The following ERBB4 variants were observed in gnomAD, a reference collection of about 807,000 sequenced individuals.
ERBB4 encodes receptor tyrosine-protein kinase erbB-4.
In ERBB4, 42 loss-of-function variants were observed where a neutral mutation model predicts 158.0. That is an observed-to-expected ratio of 0.27 (90% CI 0.21 to 0.34). The LOEUF (loss-of-function observed/expected upper bound fraction) is 0.34. ERBB4 is among the 10% of genes least tolerant of loss of function. The probability of loss-of-function intolerance (pLI) is 1.00; values close to 1 mark genes in which losing one functional copy is unlikely to be tolerated. For synonymous variants in ERBB4, 583 were observed against 558.7 expected (o/e 1.04, Z -0.61); for missense variants, 1,333 against 1,624.1 (o/e 0.82, Z 3.08).
At chr2:211,938,337 G>T (rs1268166618) in intron 3 of ERBB4, among the ~76,000 whole-genome samples, 1 of 152,068 alleles carries the variant, frequency 6.6e-6, no homozygotes, top group East Asian at 1.9e-4. Flanking sequence ...ATTTGACTCA[G>T]GGAGCCCAGA....
chr2:211,813,284 G>A (rs1287323697), intron 3 of ERBB4, among the ~76,000 whole-genome samples: 1 of 152,174 alleles, frequency 6.6e-6, no homozygotes, highest in South Asian at 2.1e-4. Context: ...GTGTATAATG[G>A]AATTCTCTGA....
At chr2:211,703,692 T>G (rs542064133) in intron 11 of ERBB4, among the ~76,000 whole-genome samples, 1 of 152,290 alleles carries the variant, frequency 6.6e-6, no homozygotes, top group Admixed American at 6.5e-5. Context: ...ATCAGCCCTG[T>G]GACGTGTAGT....
chr2:212,199,044 T>C (rs1199493307), intron 1 of ERBB4, among the ~76,000 whole-genome samples: 3 of 152,204 alleles, frequency 2.0e-5, no homozygotes, highest in Non-Finnish European at 4.4e-5. Context: ...GGTAATTTTA[T>C]GTGTTTAATT....
intron 1 of ERBB4, among the ~76,000 whole-genome samples, chr2:212,181,617 C>G (rs1045590307): frequency 6.6e-6 from 1 of 151,576 alleles, no homozygotes; most frequent in Non-Finnish European, 1.5e-5. Context: ...TACTGCAATG[C>G]GTAGCAGTTA....
chr2:211,767,692 T>C (rs1354365059), intron 4 of ERBB4, among the ~76,000 whole-genome samples: 1 of 152,134 alleles, frequency 6.6e-6, no homozygotes, highest in Non-Finnish European at 1.5e-5. Flanking sequence ...CCATCAGATC[T>C]TGTAAGAACT....
At chr2:211,728,908 A>T (rs1264799844) in intron 5 of ERBB4, among the ~76,000 whole-genome samples, 1 of 151,856 alleles carries the variant, frequency 6.6e-6, no homozygotes, top group Non-Finnish European at 1.5e-5. Flanking sequence ...CAATGATAAG[A>T]CAAGTAACCC....
intron 20 of ERBB4, among the ~76,000 whole-genome samples, chr2:211,544,301 A>G (rs549231678): frequency 6.6e-6 from 1 of 152,206 alleles, no homozygotes; most frequent in East Asian, 1.9e-4. Flanking sequence ...GTATATTTTT[A>G]TACTTCAAAT....
rs1162587478 is a variant in ERBB4 at position 211,379,002 on chromosome 2, T to A, written c.*4613A>T. ...GGTTTTTTTAACAACTAGAAGCTGA[T>A]GCACATGGATTTCTCATTTGCCCTA... is the stretch of plus-strand genomic sequence containing the variant. On this transcript the variant is annotated 3_prime_UTR_variant, in exon 28 of 28. Transcript: ENST00000342788. The A allele has an allele frequency of 1.3e-5, 3 of 231,822 alleles. No individual in the cohort carries two copies. Among genetic ancestry groups the A allele is most frequent in the Non-Finnish European group, 2.6e-5 (3 of 117,254 alleles). 14.4% of individuals were successfully genotyped at this position (231,822 alleles called of 1,614,324 possible).
intron 19 of ERBB4, among the ~76,000 whole-genome samples, chr2:211,608,660 T>C (rs995966629): frequency 1.3e-5 from 2 of 152,156 alleles, no homozygotes; most frequent in Non-Finnish European, 2.9e-5. Context: ...AGTGGATTCA[T>C]GGTGGATAAT....
intron 2 of ERBB4, among the ~76,000 whole-genome samples, chr2:211,966,405 C>A (rs1334469649): frequency 6.6e-6 from 1 of 151,988 alleles, no homozygotes; most frequent in African/African-American, 2.4e-5. Context: ...CCACACCCAG[C>A]TAATTTTTGT....
rs187276660 is a variant in ERBB4 at position 211,661,811 on chromosome 2, G to A, written c.1871+3512C>T. ...TCCCAGCACTTTGGGAGGCCGAGGC[G>A]GGCGGATCACGAGGTCAGGAGATCG... On this transcript the variant is annotated intron_variant, in intron 15 of 27. Transcript: ENST00000342788. 4.1e-3 allele frequency among the ~76,000 whole-genome samples: 618 copies of A among 151,250 alleles called. 4 individuals are homozygous for A. Among genetic ancestry groups the A allele is most frequent in the African/African-American group, 0.013 (556 of 41,336 alleles).
chr2:211,930,922 T>C (rs1479470690), intron 3 of ERBB4, among the ~76,000 whole-genome samples: 1 of 152,154 alleles, frequency 6.6e-6, no homozygotes, highest in Non-Finnish European at 1.5e-5. Flanking sequence ...GATTAATGAC[T>C]TTCAAATACA....
chr2:211,716,385 A>T (rs2073904165), intron 7 of ERBB4, among the ~76,000 whole-genome samples: 1 of 112,696 alleles, frequency 8.9e-6, no homozygotes, highest in African/African-American at 3.1e-5. Context: ...AAAAAAAAAA[A>T]AAAAAAAAAG....
At chr2:212,470,939 A>T (rs1689087364) in intron 1 of ERBB4, among the ~76,000 whole-genome samples, 1 of 152,082 alleles carries the variant, frequency 6.6e-6, no homozygotes, top group Non-Finnish European at 1.5e-5. Flanking sequence ...AGTGTAATAG[A>T]TCAAACTAAT....
At position 211,694,741 on chromosome 2, in the gene ERBB4, C is replaced by T. The variant is rs369702236; in HGVS notation, c.1489+7226G>A. Among the ~76,000 whole-genome samples, 66 of 152,154 alleles carry T rather than the reference C, an allele frequency of 4.3e-4. 2 individuals are homozygous for T. In the South Asian group the frequency reaches 0.013, roughly 30 times the overall value. On this transcript the variant is annotated intron_variant, in intron 12 of 27. Transcript: ENST00000342788. Reference sequence around the variant, plus strand: ...CAAGCTATGGTTTAATGAAATCTGTCGCAGAATTCATTGATTTCCCAGGCT... The same window carrying T: ...CAAGCTATGGTTTAATGAAATCTGTTGCAGAATTCATTGATTTCCCAGGCT...
chr2:211,990,672 C>T (rs2082051578), intron 2 of ERBB4, among the ~76,000 whole-genome samples: 1 of 151,906 alleles, frequency 6.6e-6, no homozygotes, highest in South Asian at 2.1e-4. Context: ...TTAGAACAAG[C>T]CCCTTGATTT....
At chr2:211,805,363 G>A (rs1320753429) in intron 3 of ERBB4, among the ~76,000 whole-genome samples, 11 of 152,070 alleles carry the variant, frequency 7.2e-5, no homozygotes, top group Admixed American at 5.9e-4. Context: ...AAATATCCGA[G>A]GGTAATGATA....
intron 1 of ERBB4, among the ~76,000 whole-genome samples, chr2:212,401,263 A>G (rs1216353440): frequency 6.6e-6 from 1 of 152,116 alleles, no homozygotes; most frequent in Non-Finnish European, 1.5e-5. Flanking sequence ...TGTAGTCAGA[A>G]TTTCTTCATT....
intron 20 of ERBB4, among the ~76,000 whole-genome samples, chr2:211,460,592 A>T (rs925173015): frequency 1.3e-5 from 2 of 152,210 alleles, no homozygotes; most frequent in African/African-American, 4.8e-5. Flanking sequence ...TCATCCTGGA[A>T]GAAATTGACA....
Sources: gnomAD v4.1 joint callset for allele counts (sites outside exome capture counted in the v4.1 genomes callset) on GRCh38, gnomAD v4.1.1 for gene constraint, MANE v1.5 for transcripts, NCBI Gene and HGNC (gene_info 2026-07-23, HGNC 2026-07-21) for gene names.